LSAMP: variants seen among roughly 807,000 people sequenced by gnomAD.
The protein encoded by LSAMP is limbic system associated membrane protein.
In LSAMP, 7 loss-of-function variants were observed where a neutral mutation model predicts 38.6. That is an observed-to-expected ratio of 0.18 (90% CI 0.10 to 0.34). LSAMP has a LOEUF of 0.34. LSAMP is among the 10% of genes least tolerant of loss of function. The probability of loss-of-function intolerance (pLI) is 1.00; values close to 1 mark genes in which losing one functional copy is unlikely to be tolerated. For missense variants in LSAMP, 313 were observed against 420.0 expected, an observed-to-expected ratio of 0.75 and a Z score of 2.23; for synonymous variants, 154 against 166.8, an observed-to-expected ratio of 0.92 and a Z score of 0.59.
At chr3:116,212,970 G>A (rs974274467) in intron 1 of LSAMP, among the ~76,000 whole-genome samples, 3 of 152,168 alleles carry the variant, frequency 2.0e-5, no homozygotes, top group Admixed American at 1.3e-4. Context: ...TAAGTAAGAA[G>A]TTCCAGTAAT....
At chr3:116,295,514 G>A (rs1374964966) in intron 1 of LSAMP, among the ~76,000 whole-genome samples, 1 of 152,122 alleles carries the variant, frequency 6.6e-6, no homozygotes, top group African/African-American at 2.4e-5. Flanking sequence ...TCTATTATGT[G>A]GTCAGTCCCA....
rs147308614 is a variant in LSAMP at position 116,416,221 on chromosome 3, A to G, written c.155+28656T>C. Among the ~76,000 whole-genome samples, 414 of 152,282 alleles carry G rather than the reference A, an allele frequency of 2.7e-3. 2 individuals are homozygous for G. The highest frequency in any genetic ancestry group is 9.5e-3 in the African/African-American group (393 of 41,570). On this transcript the variant is annotated intron_variant, in intron 1 of 6. Coordinates refer to ENST00000490035, the MANE Select transcript of LSAMP (RefSeq NM_002338.5). ...CACTTCTGTGTGCCAGCTAAGCCAT[A>G]CTTAATTGCTCTCTCTCCAAGACAT...
chr3:116,179,700 A>G (rs1710438765), intron 1 of LSAMP, among the ~76,000 whole-genome samples: 1 of 152,108 alleles, frequency 6.6e-6, no homozygotes, highest in Admixed American at 6.5e-5. Context: ...TGTCATGAGA[A>G]CAGCAAGGGG....
intron 2 of LSAMP, among the ~76,000 whole-genome samples, chr3:116,025,999 A>G (rs1254890210): frequency 1.3e-5 from 2 of 152,082 alleles, no homozygotes; most frequent in Admixed American, 1.3e-4. Context: ...AGTTCACTGC[A>G]TCCTCAAACT....
chr3:116,234,349 A>G (rs1015867070), intron 1 of LSAMP, among the ~76,000 whole-genome samples: 1 of 152,176 alleles, frequency 6.6e-6, no homozygotes. Context: ...AAATGACCAA[A>G]TGCTGCCTGA....
intron 1 of LSAMP, among the ~76,000 whole-genome samples, chr3:116,241,279 T>C (rs773678210): frequency 2.0e-5 from 3 of 150,640 alleles, no homozygotes; most frequent in Non-Finnish European, 4.4e-5. Flanking sequence ...ATATTCTTTA[T>C]GTTGGCCGGG....
chr3:116,216,961 TAAGCAC>T (rs1415555645), intron 1 of LSAMP, among the ~76,000 whole-genome samples: 1 of 152,214 alleles, frequency 6.6e-6, no homozygotes. Flanking sequence ...GTGGTTAAGA[TAAGCAC>T]TTAAAGTGAG....
At chr3:116,320,016 C>A (rs998913215) in intron 1 of LSAMP, among the ~76,000 whole-genome samples, 6 of 152,128 alleles carry the variant, frequency 3.9e-5, no homozygotes, top group African/African-American at 1.4e-4. Context: ...TATGTGTAAG[C>A]CCCCAACTCC....
chr3:115,954,794 A>G (rs796810668), intron 3 of LSAMP, among the ~76,000 whole-genome samples: 8 of 152,186 alleles, frequency 5.3e-5, no homozygotes, highest in African/African-American at 1.9e-4. Flanking sequence ...CTCCATTATT[A>G]TTTATTTCTC....
At chr3:115,914,965 A>T (rs1378713232) in intron 3 of LSAMP, among the ~76,000 whole-genome samples, 1 of 152,228 alleles carries the variant, frequency 6.6e-6, no homozygotes, top group Non-Finnish European at 1.5e-5. Context: ...AAGAATAATC[A>T]CATTGAAAGA....
intron 1 of LSAMP, among the ~76,000 whole-genome samples, chr3:116,340,275 C>T (rs2047974332): frequency 1.3e-5 from 2 of 152,092 alleles, no homozygotes; most frequent in Middle Eastern, 6.8e-3. Context: ...GACATGTTGC[C>T]TGTTACATAT....
intron 6 of LSAMP, among the ~76,000 whole-genome samples, chr3:115,812,491 C>CT (rs1415600272): frequency 6.6e-6 from 1 of 152,120 alleles, no homozygotes; most frequent in East Asian, 1.9e-4. Context: ...TACTCCCACC[C>CT]TTTTTGGACT....
chr3:116,347,561 C>T (rs527780914), intron 1 of LSAMP, among the ~76,000 whole-genome samples: 4 of 152,194 alleles, frequency 2.6e-5, no homozygotes, highest in Non-Finnish European at 5.9e-5. Context: ...CCCAACCCAC[C>T]CCATTTTCTT....
chr3:116,385,563 A>T (rs1049447097), intron 1 of LSAMP, among the ~76,000 whole-genome samples: 3 of 152,136 alleles, frequency 2.0e-5, no homozygotes, highest in Admixed American at 2.0e-4. Flanking sequence ...CTTCAGTGTG[A>T]TGTCCCTATT....
intron 3 of LSAMP, among the ~76,000 whole-genome samples, chr3:115,927,612 A>C (rs375003850): frequency 6.6e-6 from 1 of 152,042 alleles, no homozygotes; most frequent in South Asian, 2.1e-4. Context: ...TTGGCGTCCT[A>C]TCTCCTCCTC....
At position 115,802,444 on chromosome 3, in the gene LSAMP, G is replaced by A. The variant is rs1014999287; in HGVS notation, c.*7873C>T. On this transcript the variant is annotated 3_prime_UTR_variant, in exon 7 of 7. Coordinates refer to ENST00000490035, the MANE Select transcript of LSAMP (RefSeq NM_002338.5). ...TCACAGAAGAGCAGAGCATTCATAC[G>A]TGTAAAGTAACAGAAGAGAGAAACA... 1.3e-4 allele frequency: 19 copies of A among 151,858 alleles called. No homozygotes were observed. Among genetic ancestry groups the A allele is most frequent in the Non-Finnish European group, 2.4e-4 (16 of 67,996 alleles). The allele number at this position is 151,858 out of a possible 1,614,324, so 9.4% of individuals were successfully genotyped here.
intron 6 of LSAMP, among the ~76,000 whole-genome samples, chr3:115,829,844 C>T (rs1423807230): frequency 1.3e-5 from 2 of 152,098 alleles, no homozygotes; most frequent in East Asian, 3.8e-4. Context: ...CATAATACAT[C>T]AAAATATAAT....
intron 3 of LSAMP, among the ~76,000 whole-genome samples, chr3:115,939,589 A>T (rs1299978284): frequency 1.0e-4 from 2 of 20,068 alleles, no homozygotes; most frequent in African/African-American, 1.5e-4. Context: ...TCTTTCTGTT[A>T]AGAGACAGGC....
At chr3:115,904,006 T>C (rs1308179911) in intron 3 of LSAMP, among the ~76,000 whole-genome samples, 1 of 152,184 alleles carries the variant, frequency 6.6e-6, no homozygotes, top group Non-Finnish European at 1.5e-5. Flanking sequence ...AAGTTGAAGA[T>C]GTGGTTTGAA....
Sources: allele counts gnomAD v4.1 joint callset (sites outside exome capture counted in the v4.1 genomes callset), GRCh38; gene constraint gnomAD v4.1.1; transcripts MANE v1.5; gene names NCBI Gene and HGNC (gene_info 2026-07-23, HGNC 2026-07-21).